The following SLCO4A1 variants were observed in gnomAD, a reference collection of about 807,000 sequenced individuals.
The protein encoded by SLCO4A1 is solute carrier organic anion transporter family member 4A1, also known as colon organic anion transporter.
A neutral mutation model predicts 64.6 loss-of-function variants in SLCO4A1; 51 were observed. The observed-to-expected ratio is 0.79, with a 90% CI of 0.63 to 1.00. The LOEUF is 1.00. Among genes scored for constraint, SLCO4A1 ranks in the 50% least tolerant of loss-of-function variants. The pLI is 0.00. For missense variants in SLCO4A1, 919 were observed against 980.5 expected (o/e 0.94, Z 0.84); for synonymous variants, 471 against 444.9 (o/e 1.06, Z -0.74).
chr20:62,682,679 T>A (rs1987891138), intron 2 of SLCO4A1, among the ~76,000 whole-genome samples: 1 of 147,084 alleles, frequency 6.8e-6, no homozygotes, highest in Non-Finnish European at 1.5e-5. Context: ...ACACACACAG[T>A]TGTCATGCAG....
At chr20:62,687,192 T>A (rs910559934), downstream of SLCO4A1, among the ~76,000 whole-genome samples, 6 of 148,678 alleles carry the variant, frequency 4.0e-5, no homozygotes, top group Non-Finnish European at 8.9e-5. Flanking sequence ...ACAGGAGCGA[T>A]GGAAAGGGCA....
chr20:62,671,609 C>T (rs1015076595), intron 11 of SLCO4A1, 141 bp from the exon 12 acceptor site: 1 of 722,658 alleles, frequency 1.4e-6, no homozygotes, highest in African/African-American at 1.8e-5. Flanking sequence ...GGAAAGATAC[C>T]CTCTCAGAGC....
At chr20:62,659,065 C>G (rs927981364) in intron 3 of SLCO4A1, among the ~76,000 whole-genome samples, 2 of 152,230 alleles carry the variant, frequency 1.3e-5, no homozygotes, top group African/African-American at 4.8e-5. Context: ...TGAGATTTTT[C>G]TGTTTCTTTT....
At chr20:62,684,951 T>G (rs1162578195) in intron 2 of SLCO4A1, among the ~76,000 whole-genome samples, 1 of 152,166 alleles carries the variant, frequency 6.6e-6, no homozygotes, top group East Asian at 1.9e-4. Flanking sequence ...ACTCTCCACT[T>G]TCCCCAGAAA....
intron 5 of SLCO4A1, among the ~76,000 whole-genome samples, chr20:62,662,780 C>A (rs1484432798): frequency 7.1e-6 from 1 of 141,162 alleles, no homozygotes. Context: ...AGGGTGCCCA[C>A]TCCAGCCCCG....
Position 62,668,990 on chromosome 20 carries a change from A to G in SLCO4A1, c.1937A>G (p.Gln646Arg). 6.2e-7 allele frequency: 1 copy of G among 1,610,462 alleles called. No individual in the cohort carries two copies. The highest frequency in any genetic ancestry group is 2.2e-5 in the East Asian group (1 of 44,900). Reference protein sequence around the residue: ...WVIDKACLLWQDQCGQQGSCL... With the variant: ...WVIDKACLLWRDQCGQQGSCL... ...ATCGACAAGGCCTGTCTGCTGTGGC[A>G]GGACCAGTGTGGCCAGCAGGGCTCC... Residue 646 changes from glutamine (Q) to arginine (R), a missense_variant, in exon 11 of 12, where the codon CAG becomes CGG. Coordinates refer to ENST00000217159, the MANE Select transcript of SLCO4A1 (RefSeq NM_016354.4).
intron 2 of SLCO4A1, 79 bp downstream of exon 2, chr20:62,657,329 C>A: frequency 7.8e-7 from 1 of 1,285,704 alleles, no homozygotes; most frequent in Non-Finnish European, 1.1e-6. Context: ...CTGGCCGGAG[C>A]CAGCCCCGCC....
downstream of SLCO4A1, among the ~76,000 whole-genome samples, chr20:62,675,279 G>A (rs34555756): frequency 0.12 from 18,008 of 152,136 alleles, 1,234 homozygotes; most frequent in East Asian, 0.18. Flanking sequence ...GAGACTTCGT[G>A]GTGCGTGATG....
intron 11 of SLCO4A1, among the ~76,000 whole-genome samples, chr20:62,669,591 C>T (rs1174751596): frequency 6.6e-6 from 1 of 152,180 alleles, no homozygotes; most frequent in African/African-American, 2.4e-5. Context: ...TCTGTTGTGA[C>T]TTTTGGCGTA....
chr20:62,672,076 A>T lies in SLCO4A1; in HGVS notation c.*183A>T. The T allele has an allele frequency of 6.8e-7, 1 of 1,474,598 alleles. No individual in the cohort carries two copies. Among genetic ancestry groups the T allele is most frequent in the Non-Finnish European group, 9.0e-7 (1 of 1,114,006 alleles). The allele number at this position is 1,474,598 out of a possible 1,614,324, so 91.3% of individuals were successfully genotyped here. On this transcript the variant is annotated 3_prime_UTR_variant, in exon 12 of 12. Coordinates refer to ENST00000217159, the MANE Select transcript of SLCO4A1 (RefSeq NM_016354.4). ...GCTGTACGGCCCTGCAGTGGGTGGG[A>T]GGAACTTGCATAAATATATATTTAT...
chr20:62,686,643 A>G (rs1453549480), downstream of SLCO4A1, among the ~76,000 whole-genome samples: 1 of 152,246 alleles, frequency 6.6e-6, no homozygotes, highest in African/African-American at 2.4e-5. Context: ...ATATTTTATT[A>G]TAAGGTGAAA....
At chr20:62,651,235 T>C (rs929325978) in intron 1 of SLCO4A1, 3 of 152,234 alleles carry the variant, frequency 2.0e-5, no homozygotes, top group Non-Finnish European at 4.4e-5. Flanking sequence ...GACACCGCTG[T>C]TTTAATGGGG....
chr20:62,645,396 G>T lies in SLCO4A1; in HGVS notation c.-97+2843G>T, dbSNP rs78842243. Among the ~76,000 whole-genome samples, 283 of 151,612 alleles carry T rather than the reference G, an allele frequency of 1.9e-3. No individual in the cohort carries two copies. The highest frequency in any genetic ancestry group is 6.6e-3 in the African/African-American group (275 of 41,372). On this transcript the variant is annotated intron_variant, in intron 1 of 11. Transcript: ENST00000217159. The surrounding 1 kb of genome is among the most constrained non-coding windows in gnomAD (Gnocchi z 4.2). ...CTACAAAGAACAACCTGGTCCTGGG[G>T]ACCCTGCTGCCTTCTCTGGCCCCTG...
rs770195967 is a variant in SLCO4A1, at chr20:62,667,874, C to G, written c.1602C>G (p.Cys534Trp). The G allele has an allele frequency of 3.1e-6, 5 of 1,613,856 alleles. No homozygotes were observed. ...ACTTCTCACTGTGCCACGCAGGGTG[C>G]CCTGCAGCCACGGAGACGAATGTGG... Reference protein sequence around the residue: ...LMYFSLCHAGCPAATETNVDG... With the variant: ...LMYFSLCHAGWPAATETNVDG... The change falls in exon 8 of 12, where the codon TGC (cysteine) becomes TGG (tryptophan). Residue 534 changes from cysteine to tryptophan, a missense_variant. Coordinates refer to ENST00000217159, the MANE Select transcript of SLCO4A1 (RefSeq NM_016354.4).
At chr20:62,680,098 G>T (rs1057273662) in intron 2 of SLCO4A1, among the ~76,000 whole-genome samples, 1 of 152,214 alleles carries the variant, frequency 6.6e-6, no homozygotes, top group Non-Finnish European at 1.5e-5. Flanking sequence ...AGAGCCATAG[G>T]ACCCACAGTG....
At chr20:62,673,802 A>G (rs2427371), downstream of SLCO4A1, among the ~76,000 whole-genome samples, 143,208 of 145,116 alleles carry the variant, frequency 0.99, 70,766 homozygotes, top group East Asian at 1. Flanking sequence ...CTGCAGACAC[A>G]TCAGAGACCC....
intron 1 of SLCO4A1, among the ~76,000 whole-genome samples, chr20:62,652,885 G>A (rs1670108526): frequency 2.6e-5 from 4 of 152,226 alleles, no homozygotes; most frequent in East Asian, 1.9e-4. Flanking sequence ...AGTGCCACAC[G>A]AGCGTGCACG....
chr20:62,671,442 C>T (rs1987200923), intron 11 of SLCO4A1, among the ~76,000 whole-genome samples: 1 of 152,200 alleles, frequency 6.6e-6, no homozygotes, highest in Non-Finnish European at 1.5e-5. Context: ...ATTACATCTG[C>T]AAAGACCCTA....
rs1986711032 is a variant in SLCO4A1, at chr20:62,668,157, G to A, written c.1784G>A (p.Ser595Asn). ...GTAATTTTCTTTACATTCCTCAGCA[G>A]CATTCCTGCACTAACGGCAACTCTA... ...FVVIFFTFLS[S>N]IPALTATLRC... The change falls in exon 9 of 12, where the codon AGC (serine) becomes AAC (asparagine). Residue 595 changes from serine to asparagine, a missense_variant. Coordinates refer to ENST00000217159, the MANE Select transcript of SLCO4A1 (RefSeq NM_016354.4). 5 of 1,613,892 alleles carry A rather than the reference G, an allele frequency of 3.1e-6. No individual in the cohort carries two copies. The highest frequency in any genetic ancestry group is 1.6e-4 in the Middle Eastern group (1 of 6,084).
Sources: allele counts gnomAD v4.1 joint callset (sites outside exome capture counted in the v4.1 genomes callset), GRCh38; gene constraint gnomAD v4.1.1; non-coding constraint Gnocchi (gnomAD v3.1); transcripts MANE v1.5; gene names NCBI Gene and HGNC (gene_info 2026-07-23, HGNC 2026-07-21).